Variants in OLFML1 observed in about 807,000 individuals in gnomAD.
The protein encoded by OLFML1 is olfactomedin-like protein 1.
In OLFML1, 33 loss-of-function variants were observed where a neutral mutation model predicts 37.3. The observed-to-expected ratio is 0.88, with a 90% CI of 0.67 to 1.18. The LOEUF is 1.18. OLFML1 is among the 50% of genes most tolerant of loss of function. The probability of loss-of-function intolerance (pLI) is 0.00; values close to 1 mark genes in which losing one functional copy is unlikely to be tolerated. For missense variants in OLFML1, 545 were observed against 483.7 expected (o/e 1.13, Z -1.19); for synonymous variants, 186 against 181.3 (o/e 1.03, Z -0.21).
intron 2 of OLFML1, among the ~76,000 whole-genome samples, chr11:7,506,080 T>C (rs1363459159): frequency 2.0e-5 from 3 of 152,164 alleles, no homozygotes; most frequent in Admixed American, 6.5e-5. Context: ...GGTGAAGATG[T>C]AGATACAGAG....
rs754179067 is a variant in OLFML1 at position 7,509,535 on chromosome 11, G to A, written c.556G>A (p.Val186Ile). 2.5e-6 allele frequency: 4 copies of A among 1,614,212 alleles called. No individual in the cohort carries two copies. The highest frequency in any genetic ancestry group is 1.6e-4 in the Middle Eastern group (1 of 6,062). The stretch of plus-strand genomic sequence containing the variant: ...ATTAATTGGATCCAGAAACAACACT[G>A]TTTGGGAATTTGCAAACATACGGGC... Reference protein sequence around the residue: ...YLLIGSRNNTVWEFANIRAFM... With the variant: ...YLLIGSRNNTIWEFANIRAFM... The change falls in exon 3 of 3, where the codon GTT becomes ATT. Residue 186 changes from valine (V) to isoleucine (I), a missense_variant. Physicochemically the swap from Val to Ile is conservative, Grantham distance 29. Coordinates refer to ENST00000329293, the MANE Select transcript of OLFML1 (RefSeq NM_198474.4).
At chr11:7,500,729 T>G (rs1355890276) in intron 2 of OLFML1, among the ~76,000 whole-genome samples, 2 of 151,572 alleles carry the variant, frequency 1.3e-5, no homozygotes, top group African/African-American at 4.8e-5. Flanking sequence ...AAGGTTTTTT[T>G]TTTTTTAAAA....
rs754124448 is a variant in OLFML1 at position 7,510,190 on chromosome 11, G to A, written c.*2G>A. The A allele has an allele frequency of 7.5e-6, 12 of 1,598,036 alleles. No homozygotes were observed. The highest frequency in any genetic ancestry group is 6.8e-5 in the Admixed American group (4 of 58,988). On this transcript the variant is annotated 3_prime_UTR_variant, in exon 3 of 3. Transcript: ENST00000329293. ...AAGAGAAAGCTGCCTCTGAAGTAATGCATTACAGCTGTGAGAAAGAGCACT... is the reference window on the plus strand; with the variant it reads ...AAGAGAAAGCTGCCTCTGAAGTAATACATTACAGCTGTGAGAAAGAGCACT...
intron 2 of OLFML1, among the ~76,000 whole-genome samples, chr11:7,505,102 A>T (rs1399073750): frequency 1.4e-5 from 2 of 142,900 alleles, no homozygotes; most frequent in Non-Finnish European, 3.0e-5. Context: ...TAATTATTGT[A>T]TTTTTTTTTT....
intron 2 of OLFML1, among the ~76,000 whole-genome samples, chr11:7,490,894 T>C (rs1023376818): frequency 2.0e-5 from 3 of 152,028 alleles, no homozygotes; most frequent in East Asian, 1.9e-4. Context: ...CAACACAAAA[T>C]AGATCATAAT....
At chr11:7,493,824 C>T (rs1365553743) in intron 2 of OLFML1, among the ~76,000 whole-genome samples, 1 of 152,222 alleles carries the variant, frequency 6.6e-6, no homozygotes. Context: ...TTTATTTATT[C>T]AACAAATGTC....
chr11:7,501,907 T>A (rs77847819), intron 2 of OLFML1, among the ~76,000 whole-genome samples: 6,772 of 152,076 alleles, frequency 0.045, 218 homozygotes, highest in Non-Finnish European at 0.072. Flanking sequence ...ACACTATCCA[T>A]GAAGTTGAAG....
chr11:7,500,779 A>G (rs1848713878), intron 2 of OLFML1, among the ~76,000 whole-genome samples: 1 of 151,834 alleles, frequency 6.6e-6, no homozygotes, highest in South Asian at 2.1e-4. Context: ...CACGCCTGTA[A>G]TAACAGCACT....
intron 1 of OLFML1, among the ~76,000 whole-genome samples, chr11:7,487,647 T>C (rs1848540559): frequency 6.6e-6 from 1 of 152,236 alleles, no homozygotes; most frequent in African/African-American, 2.4e-5. Context: ...AGGTTTTTTT[T>C]TCCCTTAATA....
At chr11:7,498,085 C>A (rs944887062) in intron 2 of OLFML1, among the ~76,000 whole-genome samples, 1 of 152,190 alleles carries the variant, frequency 6.6e-6, no homozygotes, top group Non-Finnish European at 1.5e-5. Flanking sequence ...GGAGAGTAAG[C>A]AGTAAGTTGA....
intron 2 of OLFML1, 131 bp from the exon 3 acceptor site, chr11:7,509,267 T>C (rs1162149327): frequency 7.3e-6 from 5 of 680,298 alleles, no homozygotes; most frequent in South Asian, 6.1e-5. Context: ...CATGTCACAG[T>C]AGAACTGAAA....
chr11:7,505,878 T>C (rs7943470), intron 2 of OLFML1, among the ~76,000 whole-genome samples: 90,106 of 151,994 alleles, frequency 0.59, 27,045 homozygotes, highest in Non-Finnish European at 0.6. Flanking sequence ...GACCGACTTA[T>C]CTTGAAATGA....
At chr11:7,490,750 C>T (rs764164288) in intron 2 of OLFML1, among the ~76,000 whole-genome samples, 7 of 152,198 alleles carry the variant, frequency 4.6e-5, no homozygotes, top group Non-Finnish European at 7.3e-5. Context: ...TACTTGTTGC[C>T]TCCCACTACT....
chr11:7,503,339 C>A (rs1848745097), intron 2 of OLFML1, among the ~76,000 whole-genome samples: 1 of 151,958 alleles, frequency 6.6e-6, no homozygotes, highest in Non-Finnish European at 1.5e-5. Context: ...AAAAAACAAT[C>A]CAGAAAGATG....
chr11:7,508,263 A>AC (rs1564923238), intron 2 of OLFML1, among the ~76,000 whole-genome samples: 4 of 152,288 alleles, frequency 2.6e-5, no homozygotes, highest in Non-Finnish European at 1.5e-5. Context: ...TTTTAATAAG[A>AC]CCGGCACAGT....
At position 7,488,347 on chromosome 11, in the gene OLFML1, A is replaced by G. The variant is rs775486604; in HGVS notation, c.350A>G (p.Lys117Arg). 8 of 1,613,994 alleles carry G rather than the reference A, an allele frequency of 5.0e-6. No homozygotes were observed. The highest frequency in any genetic ancestry group is 4.2e-6 in the Non-Finnish European group (5 of 1,179,986). The change falls in exon 2 of 3, where the codon AAG becomes AGG. Residue 117 changes from lysine to arginine, a missense_variant. Transcript: ENST00000329293. ...EADECIESED[K>R]TLAEMLLQEA... is the part of the protein sequence containing the mutation. Reference sequence around the variant, plus strand: ...GACGAGTGCATCGAATCAGAGGACAAGACACTGGCAGAAATGTTGCTCCAA... The same window carrying G: ...GACGAGTGCATCGAATCAGAGGACAGGACACTGGCAGAAATGTTGCTCCAA...
chr11:7,509,733 C>A lies in OLFML1; in HGVS notation c.754C>A (p.Leu252Ile). The change falls in exon 3 of 3, where the codon CTC becomes ATC. Residue 252 changes from leucine (L) to isoleucine (I), a missense_variant. By Grantham distance (5) the Leu-to-Ile change is conservative. Coordinates refer to ENST00000329293, the MANE Select transcript of OLFML1 (RefSeq NM_198474.4). ...QKRTVEDRML[L>I]PGGVGRALVY... ...GAGGACTGTGGAAGATCGAATGCTGCTCCCAGGAGGGGTAGGCCGAGCATT... is the reference window on the plus strand; with the variant it reads ...GAGGACTGTGGAAGATCGAATGCTGATCCCAGGAGGGGTAGGCCGAGCATT... 6.2e-7 allele frequency: 1 copy of A among 1,614,210 alleles called. No homozygotes were observed. Among genetic ancestry groups the A allele is most frequent in the Non-Finnish European group, 8.5e-7 (1 of 1,180,014 alleles).
At chr11:7,496,314 C>T (rs573374566) in intron 2 of OLFML1, among the ~76,000 whole-genome samples, 92 of 152,364 alleles carry the variant, frequency 6.0e-4, no homozygotes, top group Middle Eastern at 3.4e-3. Context: ...AAGCTCACCC[C>T]TCTACTATGA....
intron 1 of OLFML1, 84 bp from the exon 2 acceptor site, chr11:7,488,043 C>T: frequency 3.1e-5 from 30 of 959,118 alleles, no homozygotes; most frequent in South Asian, 9.2e-5. Flanking sequence ...TTTTCTAATC[C>T]TTTTCTATAA....
Sources: gnomAD v4.1 joint callset for allele counts (sites outside exome capture counted in the v4.1 genomes callset) on GRCh38, gnomAD v4.1.1 for gene constraint, MANE v1.5 for transcripts, NCBI Gene and HGNC (gene_info 2026-07-23, HGNC 2026-07-21) for gene names.